Variants in ZNF831 observed in about 807,000 individuals in gnomAD.
ZNF831 encodes zinc finger protein 831.
In ZNF831, 59 loss-of-function variants were observed where a neutral mutation model predicts 95.8. The ratio of observed to expected loss-of-function variants is 0.62; its 90% CI spans 0.50 to 0.77. ZNF831 has a LOEUF of 0.77. Ranked by LOEUF, ZNF831 falls within the 30% of genes least tolerant of loss-of-function variation. The probability of loss-of-function intolerance (pLI) is 0.00; values close to 1 mark genes in which losing one functional copy is unlikely to be tolerated. For missense variants in ZNF831, 2,205 were observed against 2,164.0 expected (o/e 1.02, Z -0.38); for synonymous variants, 961 against 925.5 (o/e 1.04, Z -0.70).
rs1251676168 is a variant in ZNF831, at chr20:59,254,028, G to T, written c.4319G>T (p.Gly1440Val). The change falls in exon 6 of 6, where the codon GGT (glycine) becomes GTT (valine). Residue 1440 changes from glycine (G) to valine (V), a missense_variant. Coordinates refer to ENST00000371030, the MANE Select transcript of ZNF831 (RefSeq NM_178457.3). This position sits in a 1 kb window ranked among gnomAD's most constrained non-coding sequence, Gnocchi z 4.5. The stretch of plus-strand genomic sequence containing the variant: ...GACGTGCCTCTACCCCCTGGCAAAG[G>T]TCTTGACCTTGGGTTGCTGGAGACT... ...VNDVPLPPGK[G>V]LDLGLLETQL... 3 of 1,613,994 alleles carry T rather than the reference G, an allele frequency of 1.9e-6. No individual in the cohort carries two copies. The highest frequency in any genetic ancestry group is 4.5e-5 in the East Asian group (2 of 44,880).
intron 1 of ZNF831, among the ~76,000 whole-genome samples, chr20:59,183,919 C>A (rs1982813191): frequency 6.6e-6 from 1 of 152,148 alleles, no homozygotes; most frequent in Non-Finnish European, 1.5e-5. Context: ...ATAGTCTACA[C>A]TAGGGTTCTC....
upstream of ZNF831, among the ~76,000 whole-genome samples, chr20:59,162,275 A>G (rs1209592277): frequency 6.6e-6 from 1 of 152,174 alleles, no homozygotes; most frequent in African/African-American, 2.4e-5. Flanking sequence ...CCAGTTGTCA[A>G]TATTTATTTT....
At chr20:59,161,054 T>A (rs1161777134), upstream of ZNF831, among the ~76,000 whole-genome samples, 1 of 152,234 alleles carries the variant, frequency 6.6e-6, no homozygotes, top group Non-Finnish European at 1.5e-5. Context: ...AGAGTCTATC[T>A]GTACCATGGT....
intron 1 of ZNF831, among the ~76,000 whole-genome samples, chr20:59,176,451 T>C (rs1292005261): frequency 6.6e-6 from 1 of 152,182 alleles, no homozygotes. Flanking sequence ...TGCATTTTAC[T>C]GTATGTAAAT....
At chr20:59,199,068 TAC>T (rs1984334066) in intron 3 of ZNF831, among the ~76,000 whole-genome samples, 1 of 47,068 alleles carries the variant, frequency 2.1e-5, no homozygotes, top group African/African-American at 9.8e-5. Context: ...CCCATCAACT[TAC>T]ATATCTATCT....
In ZNF831 at chr20:59,194,480, C is replaced by T. The variant is rs2146600223; in HGVS notation, c.3461C>T (p.Ser1154Phe). The change falls in exon 2 of 6, where the codon TCC becomes TTC. Residue 1154 changes from serine (S) to phenylalanine (F), a missense_variant. By Grantham distance (155) the Ser-to-Phe change is radical. Coordinates refer to ENST00000371030, the MANE Select transcript of ZNF831 (RefSeq NM_178457.3). ...GGCTGGCCAGAGCTGGCCTTGTCTT[C>T]CCACTCAGGGACGTCCCGGAGCCAC... is the stretch of plus-strand genomic sequence containing the variant. Reference protein sequence around the residue: ...PPGWPELALSSHSGTSRSHST... With the variant: ...PPGWPELALSFHSGTSRSHST... The T allele has an allele frequency of 6.2e-7, 1 of 1,612,870 alleles. No individual in the cohort carries two copies. Among genetic ancestry groups the T allele is most frequent in the Non-Finnish European group, 8.5e-7 (1 of 1,179,630 alleles).
chr20:59,188,957 G>A (rs1030482701), intron 1 of ZNF831, among the ~76,000 whole-genome samples: 2 of 152,150 alleles, frequency 1.3e-5, no homozygotes, highest in Non-Finnish European at 2.9e-5. Context: ...GAGGCCAGTG[G>A]ATCACCCGAA....
chr20:59,236,209 T>G (rs1306471055), intron 4 of ZNF831, among the ~76,000 whole-genome samples: 5 of 152,212 alleles, frequency 3.3e-5, no homozygotes, highest in Non-Finnish European at 7.3e-5. Flanking sequence ...TCTGCCTCTG[T>G]GCAGCCAGGT....
At chr20:59,126,997 C>T (rs1433086149) in intron 1 of ZNF831, among the ~76,000 whole-genome samples, 1 of 152,156 alleles carries the variant, frequency 6.6e-6, no homozygotes. Context: ...CTGCCCCACC[C>T]AACTGGTCCC....
At chr20:59,162,078 C>T (rs538734684), upstream of ZNF831, among the ~76,000 whole-genome samples, 145 of 152,276 alleles carry the variant, frequency 9.5e-4, no homozygotes, top group African/African-American at 3.3e-3. Flanking sequence ...TGAGAAGTGT[C>T]TCTTCATGAC....
In ZNF831 at chr20:59,258,516, G is replaced by A. The variant is rs574586070; in HGVS notation, c.*3773G>A. 2.0e-4 allele frequency: 30 copies of A among 152,628 alleles called. 1 individual carries two copies. The highest frequency in any genetic ancestry group is 1.4e-3 in the Admixed American group (22 of 15,274). 9.5% of individuals were successfully genotyped at this position (152,628 alleles called of 1,614,324 possible). On this transcript the variant is annotated 3_prime_UTR_variant, in exon 6 of 6. Coordinates refer to ENST00000371030, the MANE Select transcript of ZNF831 (RefSeq NM_178457.3). The stretch of plus-strand genomic sequence containing the variant: ...AGTTATGGAAACTGTCATCATTATC[G>A]GAATGTGCTGCTGCTCAACTCCCCA...
chr20:59,162,010 A>T (rs1216838870), upstream of ZNF831, among the ~76,000 whole-genome samples: 1 of 152,162 alleles, frequency 6.6e-6, no homozygotes, highest in Non-Finnish European at 1.5e-5. Flanking sequence ...TTTCTCTGAT[A>T]ATCAGAGATG....
chr20:59,189,857 C>T (rs943604598), intron 1 of ZNF831, among the ~76,000 whole-genome samples: 2 of 152,196 alleles, frequency 1.3e-5, no homozygotes, highest in Non-Finnish European at 2.9e-5. Flanking sequence ...TTACTGCTAA[C>T]GGCTGGAATG....
At chr20:59,248,103 G>A (rs1021371418) in intron 4 of ZNF831, among the ~76,000 whole-genome samples, 16 of 152,212 alleles carry the variant, frequency 1.1e-4, no homozygotes, top group Admixed American at 1.3e-4. Flanking sequence ...TAAAAACACA[G>A]CCTTTAATCA....
chr20:59,254,014 A>G lies in ZNF831; in HGVS notation c.4305A>G (p.Leu1435=). ...TCLAVVNDVP[L]PPGKGLDLGL... is the part of the protein sequence containing the mutation. ...TGGCAGTGGTTAATGACGTGCCTCTACCCCCTGGCAAAGGTCTTGACCTTG... is the reference window on the plus strand; with the variant it reads ...TGGCAGTGGTTAATGACGTGCCTCTGCCCCCTGGCAAAGGTCTTGACCTTG... The change falls in exon 6 of 6, where the codon CTA becomes CTG. Residue 1435 remains leucine, a synonymous_variant. Transcript: ENST00000371030. The surrounding 1 kb of genome is among the most constrained non-coding windows in gnomAD (Gnocchi z 4.5). The G allele has an allele frequency of 6.2e-7, 1 of 1,613,626 alleles. No individual in the cohort carries two copies. The highest frequency in any genetic ancestry group is 2.2e-5 in the East Asian group (1 of 44,836).
At chr20:59,216,123 C>T (rs1261286673) in intron 4 of ZNF831, among the ~76,000 whole-genome samples, 1 of 152,316 alleles carries the variant, frequency 6.6e-6, no homozygotes, top group Middle Eastern at 3.4e-3. Context: ...CTAAAATAAC[C>T]ACCAACCCCC....
chr20:59,233,634 A>G (rs1986855494), intron 4 of ZNF831, among the ~76,000 whole-genome samples: 1 of 152,230 alleles, frequency 6.6e-6, no homozygotes, highest in Non-Finnish European at 1.5e-5. Flanking sequence ...CCTCTTCTCC[A>G]TCCAAAATAC....
At chr20:59,229,600 C>G (rs548043636) in intron 4 of ZNF831, among the ~76,000 whole-genome samples, 1 of 152,186 alleles carries the variant, frequency 6.6e-6, no homozygotes, top group Non-Finnish European at 1.5e-5. Context: ...TTGCTAGAAA[C>G]TTTTAATAAA....
upstream of ZNF831, among the ~76,000 whole-genome samples, chr20:59,163,019 G>GTA (rs1980977010): frequency 7.5e-6 from 1 of 133,550 alleles, no homozygotes; most frequent in East Asian, 2.0e-4. Context: ...TCCTAGGTGT[G>GTA]TGTGTGTGTG....
Sources: allele counts gnomAD v4.1 joint callset (sites outside exome capture counted in the v4.1 genomes callset), GRCh38; gene constraint gnomAD v4.1.1; non-coding constraint Gnocchi (gnomAD v3.1); transcripts MANE v1.5; gene names NCBI Gene and HGNC (gene_info 2026-07-23, HGNC 2026-07-21).